WDR82: variants seen among roughly 807,000 people sequenced by gnomAD.
The protein encoded by WDR82 is WD repeat domain 82, also known as WD repeat-containing protein 82.
Under a neutral mutation model 36.1 loss-of-function variants are expected in WDR82, and 8 were observed. The ratio of observed to expected loss-of-function variants is 0.22; its 90% CI spans 0.13 to 0.40. WDR82 has a LOEUF of 0.40. WDR82 is among the 10% of genes least tolerant of loss of function. The pLI is 1.00. For synonymous variants in WDR82, 129 were observed against 137.8 expected, an observed-to-expected ratio of 0.94 and a Z score of 0.45; for missense variants, 185 against 400.5, an observed-to-expected ratio of 0.46 and a Z score of 4.59.
At position 52,257,280 on chromosome 3, in the gene WDR82, G is replaced by T. The variant is rs958120614; in HGVS notation, c.*210C>A. ...CAGTTAGAAAAGCTGAGTTCCAATT[G>T]AGTCTGTTGCACCAAGAGTCCTTTT... is the stretch of plus-strand genomic sequence containing the variant. On this transcript the variant is annotated 3_prime_UTR_variant, in exon 9 of 9. Coordinates refer to ENST00000296490, the MANE Select transcript of WDR82 (RefSeq NM_025222.4). 3.2e-6 allele frequency: 2 copies of T among 629,474 alleles called. No individual in the cohort carries two copies. Among genetic ancestry groups the T allele is most frequent in the South Asian group, 4.0e-5 (2 of 49,466 alleles). 39.0% of individuals were successfully genotyped at this position (629,474 alleles called of 1,614,324 possible).
Position 52,255,028 on chromosome 3 carries a change from C to CGCCTCCTG in WDR82, c.*2454_*2461dup, listed in dbSNP as rs1416863302. 6.6e-6 allele frequency: 1 copy of CGCCTCCTG among 151,824 alleles called. No homozygotes were observed. Among genetic ancestry groups the CGCCTCCTG allele is most frequent in the Admixed American group, 6.6e-5 (1 of 15,212 alleles). The allele number at this position is 151,824 out of a possible 1,614,324, so 9.4% of individuals were successfully genotyped here. A position where few individuals can be genotyped will look rare whatever the true frequency, so the allele number is the denominator to read the frequency against. On this transcript the variant is annotated 3_prime_UTR_variant, in exon 9 of 9. Transcript: ENST00000296490. Reference sequence around the variant, plus strand: ...CACGATCTCAACTCACCGCAACCTCCGCCTCCTGGGTTCAAGCAATTCTCC... The same window carrying CGCCTCCTG: ...CACGATCTCAACTCACCGCAACCTCCGCCTCCTGGCCTCCTGGGTTCAAGCAATTCTCC...
At chr3:52,263,926 G>A (rs912846145) in intron 3 of WDR82, among the ~76,000 whole-genome samples, 2 of 152,230 alleles carry the variant, frequency 1.3e-5, no homozygotes, top group African/African-American at 4.8e-5. Context: ...CACTTTGGGA[G>A]GCTGAGGCGG....
At position 52,259,753 on chromosome 3, in the gene WDR82, A is replaced by T; in HGVS notation, c.663T>A (p.Ile221=). The T allele has an allele frequency of 6.2e-7, 1 of 1,614,092 alleles. No homozygotes were observed. The highest frequency in any genetic ancestry group is 2.2e-5 in the East Asian group (1 of 44,884). Residue 221 remains isoleucine, a synonymous_variant, in exon 6 of 9, where the codon ATT becomes ATA. Coordinates refer to ENST00000296490, the MANE Select transcript of WDR82 (RefSeq NM_025222.4). ...GCATCACCACTCCTTTGAATGCATCAATCAGACGAATGAAGCTGCCGTTGG... is the reference window on the plus strand; with the variant it reads ...GCATCACCACTCCTTTGAATGCATCTATCAGACGAATGAAGCTGCCGTTGG... ...ISTNGSFIRL[I]DAFKGVVMHT...
intron 3 of WDR82, among the ~76,000 whole-genome samples, chr3:52,264,490 T>C (rs980869113): frequency 1.3e-4 from 20 of 152,258 alleles, no homozygotes; most frequent in Admixed American, 2.6e-4. Context: ...TAAAGCCCCA[T>C]AGACGATTCT....
chr3:52,275,303 A>G (rs954796429), intron 1 of WDR82, among the ~76,000 whole-genome samples: 5 of 151,516 alleles, frequency 3.3e-5, no homozygotes, highest in Admixed American at 2.6e-4. Flanking sequence ...TTTGACCTAT[A>G]CTAGTGACAA....
chr3:52,274,907 A>T (rs2107343634), intron 1 of WDR82, among the ~76,000 whole-genome samples: 1 of 146,174 alleles, frequency 6.8e-6, no homozygotes, highest in Middle Eastern at 3.5e-3. Context: ...TCAAAAACAA[A>T]ACAAAACAAA....
intron 1 of WDR82, among the ~76,000 whole-genome samples, chr3:52,272,168 T>C (rs932893101): frequency 1.3e-5 from 2 of 152,224 alleles, no homozygotes; most frequent in African/African-American, 2.4e-5. Context: ...AATGTCTCCC[T>C]TTACAGAACC....
chr3:52,257,420 T>A lies in WDR82; in HGVS notation c.*70A>T. 1.3e-6 allele frequency: 2 copies of A among 1,599,140 alleles called. No individual in the cohort carries two copies. The highest frequency in any genetic ancestry group is 2.2e-5 in the South Asian group (2 of 90,758). Reference sequence around the variant, plus strand: ...GTCAAATGATCCAATCCCACTATTATCTCAGTTCCCTCTGAGTTTCTTCCT... The same window carrying A: ...GTCAAATGATCCAATCCCACTATTAACTCAGTTCCCTCTGAGTTTCTTCCT... On this transcript the variant is annotated 3_prime_UTR_variant, in exon 9 of 9. Transcript: ENST00000296490.
Position 52,255,272 on chromosome 3 carries a change from G to GC in WDR82, c.*2217dup, listed in dbSNP as rs34679429. The GC allele has an allele frequency of 1, 151,499 of 152,222 alleles. 75,395 individuals are homozygous for GC. The highest frequency in any genetic ancestry group is 1 in the Middle Eastern group (294 of 294). The allele number at this position is 152,222 out of a possible 1,614,324, so 9.4% of individuals were successfully genotyped here. ...GTGGCATGTTTTCAAAGAACATGGT[G>GC]CTCAGTTTTGGACACACAGGAACTC... On this transcript the variant is annotated 3_prime_UTR_variant, in exon 9 of 9. Coordinates refer to ENST00000296490, the MANE Select transcript of WDR82 (RefSeq NM_025222.4).
At chr3:52,272,683 T>A (rs1384566443) in intron 1 of WDR82, among the ~76,000 whole-genome samples, 6 of 152,220 alleles carry the variant, frequency 3.9e-5, no homozygotes, top group Non-Finnish European at 7.3e-5. Context: ...TTTAGTTCTT[T>A]AGAAAGATTT....
chr3:52,264,606 A>T (rs1700089239), intron 3 of WDR82, among the ~76,000 whole-genome samples: 1 of 152,134 alleles, frequency 6.6e-6, no homozygotes, highest in Middle Eastern at 3.2e-3. Flanking sequence ...AGTGGGTGAT[A>T]GGGTCAATAA....
Sources: allele counts gnomAD v4.1 joint callset (sites outside exome capture counted in the v4.1 genomes callset), GRCh38; gene constraint gnomAD v4.1.1; transcripts MANE v1.5; gene names NCBI Gene and HGNC (gene_info 2026-07-23, HGNC 2026-07-21).